The following LNX1 variants were observed in gnomAD, a reference collection of about 807,000 sequenced individuals.
LNX1 encodes E3 ubiquitin-protein ligase LNX.
A neutral mutation model predicts 68.4 loss-of-function variants in LNX1; 54 were observed. The observed-to-expected ratio is 0.79, with a 90% confidence interval of 0.63 to 0.99. LNX1 has a LOEUF of 0.99. LNX1 is among the 50% of genes least tolerant of loss of function. The pLI is 0.00. For synonymous variants in LNX1, 336 were observed against 350.0 expected, an observed-to-expected ratio of 0.96 and a Z score of 0.45; for missense variants, 906 against 926.4, an observed-to-expected ratio of 0.98 and a Z score of 0.29.
chr4:53,534,784 C>A (rs1728255236), intron 2 of LNX1, among the ~76,000 whole-genome samples: 1 of 152,232 alleles, frequency 6.6e-6, no homozygotes, highest in Non-Finnish European at 1.5e-5. Context: ...AATCAAGAGT[C>A]AATGATTTGT....
At chr4:53,612,112 G>A (rs1311948241) in intron 2 of LNX1, among the ~76,000 whole-genome samples, 1 of 152,178 alleles carries the variant, frequency 6.6e-6, no homozygotes, top group African/African-American at 2.4e-5. Context: ...CATACGAAGG[G>A]TTGAGAAACT....
intron 2 of LNX1, among the ~76,000 whole-genome samples, chr4:53,526,083 G>A (rs1272780468): frequency 2.1e-5 from 3 of 146,308 alleles, no homozygotes; most frequent in African/African-American, 7.6e-5. Flanking sequence ...AAGCATTACA[G>A]TATGTTTTGG....
chr4:53,566,470 G>C (rs1054347554), intron 2 of LNX1, among the ~76,000 whole-genome samples: 1 of 151,232 alleles, frequency 6.6e-6, no homozygotes, highest in East Asian at 1.9e-4. Context: ...TCACCACCAG[G>C]CCTGCCCTAA....
At chr4:53,613,521 G>A (rs80136106) in intron 2 of LNX1, among the ~76,000 whole-genome samples, 9 of 151,988 alleles carry the variant, frequency 5.9e-5, no homozygotes, top group East Asian at 5.8e-4. Context: ...ACCCCCCACC[G>A]TCCAGTAAGC....
chr4:53,583,902 A>C (rs568645290), intron 1 of LNX1, among the ~76,000 whole-genome samples: 10 of 151,646 alleles, frequency 6.6e-5, no homozygotes, highest in Non-Finnish European at 1.2e-4. Context: ...CCTAGTCCAT[A>C]AACATGATGA....
chr4:53,629,299 T>A (rs1734185324), intron 1 of LNX1, among the ~76,000 whole-genome samples: 1 of 152,104 alleles, frequency 6.6e-6, no homozygotes, highest in African/African-American at 2.4e-5. Context: ...ATCCAGGAAC[T>A]GGAAACTGTC....
chr4:53,621,733 T>C (rs1733886851), upstream of LNX1, among the ~76,000 whole-genome samples: 1 of 152,206 alleles, frequency 6.6e-6, no homozygotes, highest in East Asian at 1.9e-4. Flanking sequence ...GTTTATATTA[T>C]GGTTTCTCAT....
At chr4:53,611,636 G>T (rs1482266422) in intron 2 of LNX1, among the ~76,000 whole-genome samples, 4 of 152,080 alleles carry the variant, frequency 2.6e-5, no homozygotes, top group African/African-American at 4.8e-5. Flanking sequence ...AGTAATTGTG[G>T]TTTTTACCAC....
At chr4:53,480,081 T>C (rs2109414885) in intron 7 of LNX1, among the ~76,000 whole-genome samples, 1 of 152,364 alleles carries the variant, frequency 6.6e-6, no homozygotes, top group East Asian at 1.9e-4. Flanking sequence ...TTGAATTGTT[T>C]AAGCTCTTAT....
intron 1 of LNX1, among the ~76,000 whole-genome samples, chr4:53,583,371 G>A (rs1731952893): frequency 6.6e-6 from 1 of 152,132 alleles, no homozygotes; most frequent in Admixed American, 6.5e-5. Context: ...ATGATGGGGG[G>A]CAAATACACT....
intron 4 of LNX1, among the ~76,000 whole-genome samples, chr4:53,506,653 G>C (rs1194863693): frequency 6.6e-6 from 1 of 151,830 alleles, no homozygotes; most frequent in African/African-American, 2.4e-5. Flanking sequence ...TCAGGAGTTC[G>C]AGACTAGCAT....
intron 1 of LNX1, among the ~76,000 whole-genome samples, chr4:53,630,191 C>A (rs1405799376): frequency 1.3e-5 from 2 of 152,046 alleles, no homozygotes; most frequent in African/African-American, 4.8e-5. Flanking sequence ...CAGGGACTTT[C>A]AAATTAACAG....
At position 53,649,088 on chromosome 4, in the gene LNX1, T is replaced by A. The variant is rs567709798; in HGVS notation, c.-215+3080A>T. ...AGATAAGCAACAGTAAGGCATAAAA[T>A]GAATCCAAAAGGTTCTGATTTTACT... On this transcript the variant is annotated intron_variant, in intron 1 of 2. Transcript: ENST00000507168. Among the ~76,000 whole-genome samples the A allele has an allele frequency of 3.3e-5, 5 of 152,334 alleles. No individual in the cohort carries two copies. The South Asian group carries it at 1.0e-3, about 32-fold the overall frequency.
At chr4:53,635,394 T>A (rs1734434155) in intron 1 of LNX1, among the ~76,000 whole-genome samples, 1 of 152,232 alleles carries the variant, frequency 6.6e-6, no homozygotes, top group Non-Finnish European at 1.5e-5. Flanking sequence ...CGTAACTCAC[T>A]ACAAAGTTTA....
chr4:53,651,546 T>C (rs986120415), intron 1 of LNX1, among the ~76,000 whole-genome samples: 2 of 152,190 alleles, frequency 1.3e-5, no homozygotes, highest in African/African-American at 2.4e-5. Flanking sequence ...ATCAGAACAT[T>C]TGTCAGAATA....
chr4:53,460,841 A>AAT lies in LNX1; in HGVS notation c.*64_*65dup. Reference sequence around the variant, plus strand: ...TTTAAATATAAAAACTGACAAGATAAATATAGTGTTTCAACTTCTTAGCCT... The same window carrying AAT: ...TTTAAATATAAAAACTGACAAGATAAATATATAGTGTTTCAACTTCTTAGCCT... On this transcript the variant is annotated 3_prime_UTR_variant, in exon 11 of 11. Coordinates refer to ENST00000263925, the MANE Select transcript of LNX1 (RefSeq NM_001126328.3). The AAT allele has an allele frequency of 7.3e-7, 1 of 1,376,144 alleles. No homozygotes were observed. The highest frequency in any genetic ancestry group is 1.0e-6 in the Non-Finnish European group (1 of 998,112). 85.2% of individuals were successfully genotyped at this position (1,376,144 alleles called of 1,614,324 possible).
chr4:53,520,456 T>C (rs1054230855), intron 2 of LNX1, among the ~76,000 whole-genome samples: 1 of 152,176 alleles, frequency 6.6e-6, no homozygotes, highest in African/African-American at 2.4e-5. Context: ...CAGAATCGTT[T>C]GTTCATTCTG....
intron 5 of LNX1, among the ~76,000 whole-genome samples, chr4:53,497,003 G>T (rs888857091): frequency 6.6e-6 from 1 of 152,172 alleles, no homozygotes; most frequent in Non-Finnish European, 1.5e-5. Flanking sequence ...TCTCAGGGTG[G>T]TCCCCTGCAA....
At chr4:53,522,411 A>G (rs1727291931) in intron 2 of LNX1, among the ~76,000 whole-genome samples, 2 of 152,240 alleles carry the variant, frequency 1.3e-5, no homozygotes, top group South Asian at 4.1e-4. Flanking sequence ...TGGTGCTCCT[A>G]TGACTCTATA....
Sources: gnomAD v4.1 joint callset for allele counts (sites outside exome capture counted in the v4.1 genomes callset) on GRCh38, gnomAD v4.1.1 for gene constraint, MANE v1.5 for transcripts, NCBI Gene and HGNC (gene_info 2026-07-23, HGNC 2026-07-21) for gene names.